The following RAPGEF6 variants were observed in gnomAD, a reference collection of about 807,000 sequenced individuals.
RAPGEF6 encodes the protein PDZ domain containing guanine nucleotide exchange factor (GEF) 2.
In RAPGEF6, 56 loss-of-function variants were observed where a neutral mutation model predicts 171.4. The ratio of observed to expected loss-of-function variants is 0.33; its 90% confidence interval spans 0.26 to 0.41. RAPGEF6 has a LOEUF of 0.41. Ranked by LOEUF, RAPGEF6 falls within the 10% of genes least tolerant of loss-of-function variation. The pLI is 1.00. For missense variants in RAPGEF6, 1,674 were observed against 1,921.4 expected (o/e 0.87, Z 2.41); for synonymous variants, 692 against 650.1 (o/e 1.06, Z -0.98).
intron 17 of RAPGEF6, chr5:131,472,322 C>T (rs574039879): frequency 4.7e-5 from 20 of 429,618 alleles, no homozygotes; most frequent in South Asian, 1.2e-4. Context: ...CCGCCCGCCT[C>T]GGCCTCCCAA....
chr5:131,442,153 A>G (rs777813833), intron 23 of RAPGEF6, among the ~76,000 whole-genome samples, 196 bp downstream of exon 23: 10 of 152,220 alleles, frequency 6.6e-5, no homozygotes, highest in East Asian at 1.9e-4. Flanking sequence ...AGGAAATTCA[A>G]TGTTGGCATT....
intron 13 of RAPGEF6, among the ~76,000 whole-genome samples, chr5:131,494,073 T>A (rs146860787): frequency 2.6e-5 from 4 of 152,262 alleles, no homozygotes; most frequent in African/African-American, 7.2e-5. Flanking sequence ...GCATTTGCTA[T>A]GTCACAGGTT....
intron 4 of RAPGEF6, among the ~76,000 whole-genome samples, chr5:131,572,185 CAG>C (rs1762340917): frequency 6.6e-6 from 1 of 152,142 alleles, no homozygotes; most frequent in Non-Finnish European, 1.5e-5. Flanking sequence ...ACACCCAGGA[CAG>C]GGGAACTCCT....
At chr5:131,621,101 C>T (rs1302649313) in intron 1 of RAPGEF6, among the ~76,000 whole-genome samples, 1 of 152,164 alleles carries the variant, frequency 6.6e-6, no homozygotes, top group African/African-American at 2.4e-5. Flanking sequence ...TTGGCATATG[C>T]TGTTACCCTT....
At chr5:131,428,096 T>G (rs1467933834) in intron 27 of RAPGEF6, among the ~76,000 whole-genome samples, 1 of 151,806 alleles carries the variant, frequency 6.6e-6, no homozygotes, top group East Asian at 1.9e-4. Flanking sequence ...CAGCAAGACC[T>G]TGTCTCAACA....
intron 5 of RAPGEF6, among the ~76,000 whole-genome samples, chr5:131,560,988 T>A (rs1333623331): frequency 6.6e-6 from 1 of 152,218 alleles, no homozygotes; most frequent in Non-Finnish European, 1.5e-5. Flanking sequence ...TCAAATCTAA[T>A]CAGATGACAT....
In RAPGEF6 at chr5:131,429,007, C is replaced by A; in HGVS notation, c.4675G>T (p.Val1559Leu). The A allele has an allele frequency of 1.2e-6, 2 of 1,614,140 alleles. No individual in the cohort carries two copies. The highest frequency in any genetic ancestry group is 4.5e-5 in the East Asian group (2 of 44,878). ...ACAATCTTCGATGGAACACAGGCCA[C>A]GAGGTTGCTACTGAGAGAAGCTGGT... ...LPPASLSSNL[V>L]ACVPSKIVTQ... The change falls in exon 27 of 28, where the codon GTG (valine) becomes TTG (leucine). Residue 1559 changes from valine (V) to leucine (L), a missense_variant. This residue lies in a region of RAPGEF6 where 552 missense variants were observed against 574.2 expected (regional missense o/e 0.96). Transcript: ENST00000509018.
intron 16 of RAPGEF6, 107 bp downstream of exon 16, chr5:131,479,406 A>G (rs1357307723): frequency 8.6e-7 from 1 of 1,166,638 alleles, no homozygotes; most frequent in Admixed American, 2.3e-5. Context: ...TTTATGATAC[A>G]TTAGTTATAT....
intron 3 of RAPGEF6, among the ~76,000 whole-genome samples, chr5:131,600,573 A>AAG (rs1379983583): frequency 7.4e-6 from 1 of 135,028 alleles, no homozygotes; most frequent in East Asian, 2.4e-4. Flanking sequence ...AGGGAGGGAA[A>AAG]AGAGAGGAGA....
intron 16 of RAPGEF6, among the ~76,000 whole-genome samples, chr5:131,477,062 AT>A (rs537622593): frequency 0.011 from 1,723 of 151,486 alleles, 21 homozygotes; most frequent in Middle Eastern, 0.072. Flanking sequence ...AGTTTTAGTG[AT>A]TTTTTTTTCC....
chr5:131,621,864 C>T (rs1246925107), intron 1 of RAPGEF6, among the ~76,000 whole-genome samples: 2 of 152,102 alleles, frequency 1.3e-5, no homozygotes, highest in Non-Finnish European at 2.9e-5. Flanking sequence ...ACAGCACCTG[C>T]CTACCCTTTG....
chr5:131,469,866 CTTACAG>C, intron 17 of RAPGEF6: 1 of 1,445,220 alleles, frequency 6.9e-7, no homozygotes, highest in Non-Finnish European at 9.3e-7. Flanking sequence ...CAAAAACAAA[CTTACAG>C]TTCTGTAGCT....
chr5:131,592,717 G>A (rs1763666345), intron 3 of RAPGEF6, among the ~76,000 whole-genome samples: 1 of 151,978 alleles, frequency 6.6e-6, no homozygotes, highest in Non-Finnish European at 1.5e-5. Flanking sequence ...AAAGTATTTT[G>A]GAAATACATT....
intron 4 of RAPGEF6, among the ~76,000 whole-genome samples, chr5:131,587,009 C>A (rs1345625729): frequency 6.6e-6 from 1 of 152,214 alleles, no homozygotes; most frequent in East Asian, 1.9e-4. Flanking sequence ...CCTGGCCCCT[C>A]CTCTTCCTGC....
intron 16 of RAPGEF6, among the ~76,000 whole-genome samples, chr5:131,474,828 A>C (rs1180192010): frequency 1.3e-5 from 2 of 152,236 alleles, no homozygotes; most frequent in African/African-American, 4.8e-5. Flanking sequence ...AAACAAACAC[A>C]TCAATTTTTG....
At chr5:131,565,871 T>A (rs1311525175) in intron 4 of RAPGEF6, among the ~76,000 whole-genome samples, 1 of 152,006 alleles carries the variant, frequency 6.6e-6, no homozygotes, top group East Asian at 1.9e-4. Flanking sequence ...CAGAACCAGG[T>A]ATAGTGGCTC....
intron 4 of RAPGEF6, among the ~76,000 whole-genome samples, chr5:131,569,001 T>C (rs776115002): frequency 2.0e-5 from 3 of 152,118 alleles, no homozygotes; most frequent in Non-Finnish European, 2.9e-5. Flanking sequence ...TTAAGAAGAA[T>C]AAAATATTTG....
At chr5:131,447,864 T>C (rs1752822227) in intron 21 of RAPGEF6, among the ~76,000 whole-genome samples, 1 of 152,214 alleles carries the variant, frequency 6.6e-6, no homozygotes, top group African/African-American at 2.4e-5. Context: ...AACTTTCAAT[T>C]GCTATTGGCC....
At chr5:131,551,149 T>C (rs946961717) in intron 5 of RAPGEF6, among the ~76,000 whole-genome samples, 3 of 152,306 alleles carry the variant, frequency 2.0e-5, no homozygotes, top group African/African-American at 7.2e-5. Context: ...GCTTATCTCA[T>C]TTAAGGTTCA....
Sources: allele counts gnomAD v4.1 joint callset (sites outside exome capture counted in the v4.1 genomes callset), GRCh38; gene constraint gnomAD v4.1.1; regional missense constraint gnomAD v4.1.1; transcripts MANE v1.5; gene names NCBI Gene and HGNC (gene_info 2026-07-23, HGNC 2026-07-21).